The following AKAIN1 variants were observed in gnomAD, a reference collection of about 807,000 sequenced individuals.
AKAIN1 encodes the protein A-kinase anchor inhibitor 1.
Under a neutral mutation model 3.7 loss-of-function variants are expected in AKAIN1, and 3 were observed. That is an observed-to-expected ratio of 0.82 (90% confidence interval 0.37 to 2.12). The LOEUF is 2.12. AKAIN1 is among the 30% of genes most tolerant of loss of function. The pLI is 0.06. For synonymous variants in AKAIN1, 31 were observed against 30.8 expected, an observed-to-expected ratio of 1.01 and a Z score of -0.02; for missense variants, 82 against 82.7, an observed-to-expected ratio of 0.99 and a Z score of 0.03.
chr18:5,190,425 T>G (rs192551865), intron 1 of AKAIN1, among the ~76,000 whole-genome samples: 2 of 152,140 alleles, frequency 1.3e-5, no homozygotes, highest in Non-Finnish European at 2.9e-5. Context: ...TCACTCAAGA[T>G]AAACAAAATA....
At chr18:5,153,575 T>C (rs559630786) in intron 1 of AKAIN1, among the ~76,000 whole-genome samples, 2 of 152,148 alleles carry the variant, frequency 1.3e-5, no homozygotes, top group Non-Finnish European at 2.9e-5. Context: ...GGCCAAGTAG[T>C]TATTCATACA....
chr18:5,167,841 G>A lies in AKAIN1; in HGVS notation c.17-22086C>T, dbSNP rs1019512797. Among the ~76,000 whole-genome samples, 14 of 152,028 alleles carry A rather than the reference G, an allele frequency of 9.2e-5. No individual in the cohort carries two copies. In the South Asian group the frequency reaches 1.2e-3, roughly 14 times the overall value. ...TTGCAGTAAAATCAGTGCTGCCTTT[G>A]CTGCTGCTGCAATAGCTAATGTTTC... On this transcript the variant is annotated intron_variant, in intron 1 of 1. Coordinates refer to ENST00000434239, the MANE Select transcript of AKAIN1 (RefSeq NM_001145194.2).
chr18:5,191,263 A>G (rs972396203), intron 1 of AKAIN1, among the ~76,000 whole-genome samples: 2 of 152,210 alleles, frequency 1.3e-5, no homozygotes, highest in Non-Finnish European at 2.9e-5. Context: ...TAAGGAATCT[A>G]CAACTTATCT....
chr18:5,196,886 C>T (rs1260068063), intron 1 of AKAIN1, among the ~76,000 whole-genome samples, 152 bp downstream of exon 1: 1 of 152,192 alleles, frequency 6.6e-6, no homozygotes. Flanking sequence ...GAAGGCGACG[C>T]GCCGAGGCAC....
intron 1 of AKAIN1, among the ~76,000 whole-genome samples, chr18:5,182,196 A>C (rs2071262134): frequency 6.6e-6 from 1 of 152,080 alleles, no homozygotes; most frequent in Non-Finnish European, 1.5e-5. Flanking sequence ...TTAAAGTTTT[A>C]ATGTCTGCAC....
At chr18:5,151,748 CT>C (rs1456379127) in intron 1 of AKAIN1, among the ~76,000 whole-genome samples, 5 of 152,092 alleles carry the variant, frequency 3.3e-5, no homozygotes, top group Non-Finnish European at 7.3e-5. Context: ...ATATGGAGTT[CT>C]TTATTAAAAC....
At chr18:5,181,828 T>G (rs1454685465) in intron 1 of AKAIN1, among the ~76,000 whole-genome samples, 1 of 152,078 alleles carries the variant, frequency 6.6e-6, no homozygotes, top group Non-Finnish European at 1.5e-5. Context: ...CAGGAATATA[T>G]GTATCTGGCT....
At chr18:5,197,283 G>A, upstream of AKAIN1, 2 of 1,373,304 alleles carry the variant, frequency 1.5e-6, no homozygotes, top group African/African-American at 3.1e-5. This position sits in a 1 kb window ranked among gnomAD's most constrained non-coding sequence, Gnocchi z 6.9. Context: ...GCGGGAGGAG[G>A]AGGGTGAATC....
At chr18:5,180,311 C>T (rs917433303) in intron 1 of AKAIN1, among the ~76,000 whole-genome samples, 1 of 152,092 alleles carries the variant, frequency 6.6e-6, no homozygotes, top group Non-Finnish European at 1.5e-5. Context: ...CTATTTATGG[C>T]CTTAACTGAT....
chr18:5,184,616 C>T (rs1011978115), intron 1 of AKAIN1, among the ~76,000 whole-genome samples: 5 of 151,948 alleles, frequency 3.3e-5, no homozygotes, highest in African/African-American at 4.8e-5. Context: ...AATAAAATAC[C>T]TAGGAATACA....
chr18:5,188,854 C>T (rs995298678), intron 1 of AKAIN1, among the ~76,000 whole-genome samples: 2 of 152,164 alleles, frequency 1.3e-5, no homozygotes, highest in African/African-American at 4.8e-5. Context: ...AGAGGGCAGC[C>T]AGCAGGTTAA....
Position 5,143,343 on chromosome 18 carries a change from G to A in AKAIN1, c.*2219C>T, listed in dbSNP as rs2071031366. On this transcript the variant is annotated 3_prime_UTR_variant, in exon 2 of 2. Transcript: ENST00000434239. ...GACAGGCATTGCTGAACCTCCTTTT[G>A]TCCTCCCAACAACTTAGTCATATCT... Among the ~76,000 whole-genome samples the A allele has an allele frequency of 6.6e-6, 1 of 152,132 alleles. No individual in the cohort carries two copies. Among genetic ancestry groups the A allele is most frequent in the South Asian group, 2.1e-4 (1 of 4,828 alleles).
At chr18:5,172,088 T>G (rs567096350) in intron 1 of AKAIN1, among the ~76,000 whole-genome samples, 1 of 152,276 alleles carries the variant, frequency 6.6e-6, no homozygotes, top group Admixed American at 6.5e-5. Context: ...ATAAGCCAGA[T>G]GCAGAAGGAC....
intron 1 of AKAIN1, among the ~76,000 whole-genome samples, chr18:5,188,045 T>C (rs559948801): frequency 1.2e-4 from 18 of 152,128 alleles, no homozygotes; most frequent in African/African-American, 4.1e-4. Context: ...CTGACCCCCA[T>C]GTAAGTCCAA....
At position 5,146,186 on chromosome 18, in the gene AKAIN1, C is replaced by A. The variant is rs566533341; in HGVS notation, c.17-431G>T. 3.3e-5 allele frequency among the ~76,000 whole-genome samples: 5 copies of A among 152,224 alleles called. No individual in the cohort carries two copies. The South Asian group carries it at 1.0e-3, about 32-fold the overall frequency. ...GTTTGAATCCTAGGATCCTCAGCTG[C>A]TAGAGAGACAGTTTCTAGAAAAGAA... On this transcript the variant is annotated intron_variant, in intron 1 of 1. Transcript: ENST00000434239.
At chr18:5,190,987 G>A (rs894824044) in intron 1 of AKAIN1, among the ~76,000 whole-genome samples, 3 of 151,998 alleles carry the variant, frequency 2.0e-5, no homozygotes, top group Non-Finnish European at 4.4e-5. Flanking sequence ...ATCTATTGAT[G>A]ATAAAATCTC....
At chr18:5,152,669 G>T (rs1190174138) in intron 1 of AKAIN1, among the ~76,000 whole-genome samples, 3 of 152,150 alleles carry the variant, frequency 2.0e-5, no homozygotes, top group Non-Finnish European at 4.4e-5. Context: ...CCAGAGAGGG[G>T]ACTTAAGGAT....
chr18:5,164,274 C>T (rs2071155694), intron 1 of AKAIN1, among the ~76,000 whole-genome samples: 2 of 152,028 alleles, frequency 1.3e-5, no homozygotes, highest in South Asian at 4.1e-4. Flanking sequence ...AGTCCCTTCA[C>T]TTATTACAAA....
intron 1 of AKAIN1, among the ~76,000 whole-genome samples, chr18:5,151,680 T>C (rs973248047): frequency 6.6e-6 from 1 of 152,224 alleles, no homozygotes; most frequent in African/African-American, 2.4e-5. Flanking sequence ...CACCCCTGAC[T>C]CTACCTACAA....
Sources: allele counts gnomAD v4.1 joint callset (sites outside exome capture counted in the v4.1 genomes callset), GRCh38; gene constraint gnomAD v4.1.1; non-coding constraint Gnocchi (gnomAD v3.1); transcripts MANE v1.5; gene names NCBI Gene and HGNC (gene_info 2026-07-23, HGNC 2026-07-21).